Variants in CSMD1 observed in about 807,000 individuals in gnomAD.
The protein encoded by CSMD1 is CUB and Sushi multiple domains 1, also known as CUB and sushi domain-containing protein 1.
Under a neutral mutation model 417.5 loss-of-function variants are expected in CSMD1, and 213 were observed. The ratio of observed to expected loss-of-function variants is 0.51; its 90% CI spans 0.46 to 0.57. The LOEUF (loss-of-function observed/expected upper bound fraction) is 0.57, where lower values mean the gene tolerates loss of function less well. CSMD1 is among the 20% of genes least tolerant of loss of function. CSMD1 has a pLI of 0.00. For synonymous variants in CSMD1, 2,862 were observed against 1,736.8 expected, an observed-to-expected ratio of 1.65 and a Z score of -16.11; for missense variants, 6,923 against 4,529.7, an observed-to-expected ratio of 1.53 and a Z score of -15.17.
chr8:2,976,014 C>A (rs981707938), intron 55 of CSMD1, among the ~76,000 whole-genome samples: 1 of 152,110 alleles, frequency 6.6e-6, no homozygotes, highest in Non-Finnish European at 1.5e-5. Flanking sequence ...ATGAAAAATT[C>A]CCATGTGTGA....
intron 1 of CSMD1, among the ~76,000 whole-genome samples, chr8:4,939,044 C>T (rs185484791): frequency 1.3e-5 from 2 of 152,160 alleles, no homozygotes; most frequent in East Asian, 1.9e-4. Context: ...GTACATTAAC[C>T]CTGCATCAGA....
intron 12 of CSMD1, among the ~76,000 whole-genome samples, chr8:3,430,472 G>A (rs1814145066): frequency 6.6e-6 from 1 of 152,206 alleles, no homozygotes; most frequent in South Asian, 2.1e-4. Context: ...TCAAGTAGAT[G>A]ATGGTTATGA....
intron 11 of CSMD1, among the ~76,000 whole-genome samples, chr8:3,480,955 G>C (rs921702233): frequency 6.6e-6 from 1 of 151,860 alleles, no homozygotes; most frequent in Non-Finnish European, 1.5e-5. Context: ...AGGAGATCGA[G>C]ACTATCCTGG....
At chr8:4,340,371 G>A (rs1300988102) in intron 3 of CSMD1, among the ~76,000 whole-genome samples, 1 of 152,036 alleles carries the variant, frequency 6.6e-6, no homozygotes, top group Non-Finnish European at 1.5e-5. Context: ...AGTTAAAAAT[G>A]TAGAAAATAA....
chr8:4,455,656 T>C (rs909336155), intron 2 of CSMD1, among the ~76,000 whole-genome samples: 5 of 151,922 alleles, frequency 3.3e-5, no homozygotes, highest in African/African-American at 4.8e-5. Flanking sequence ...TGAGGCCAGA[T>C]ACAGTGGCTC....
At chr8:4,813,066 C>T (rs910031999) in intron 1 of CSMD1, among the ~76,000 whole-genome samples, 2 of 152,158 alleles carry the variant, frequency 1.3e-5, no homozygotes, top group Admixed American at 6.5e-5. Flanking sequence ...ATCCCTCTGG[C>T]AGAGGTAGAT....
intron 3 of CSMD1, among the ~76,000 whole-genome samples, chr8:4,231,241 C>T (rs6558857): frequency 8.6e-4 from 131 of 152,252 alleles, no homozygotes; most frequent in African/African-American, 2.9e-3. Flanking sequence ...AGGTTACTGC[C>T]GCCATCATGG....
chr8:4,205,507 T>A (rs533936281), intron 3 of CSMD1, among the ~76,000 whole-genome samples: 1 of 152,198 alleles, frequency 6.6e-6, no homozygotes, highest in Non-Finnish European at 1.5e-5. Context: ...GAGGTAACTA[T>A]CTTTATTTCA....
intron 18 of CSMD1, among the ~76,000 whole-genome samples, chr8:3,372,433 G>C (rs766052351): frequency 6.6e-6 from 1 of 152,154 alleles, no homozygotes; most frequent in African/African-American, 2.4e-5. Flanking sequence ...CCCTGCTCCT[G>C]AGGCTGTGCT....
At chr8:2,959,891 T>C (rs10217022) in intron 62 of CSMD1, among the ~76,000 whole-genome samples, 8,528 of 152,288 alleles carry the variant, frequency 0.056, 566 homozygotes, top group African/African-American at 0.16. Flanking sequence ...GTCTGGGCTC[T>C]TTAAATTATT....
At chr8:3,386,748 G>C (rs1206836824) in intron 18 of CSMD1, among the ~76,000 whole-genome samples, 2 of 152,088 alleles carry the variant, frequency 1.3e-5, no homozygotes, top group Non-Finnish European at 2.9e-5. Flanking sequence ...ACGTTTTTCT[G>C]CAGAAACAAT....
intron 3 of CSMD1, among the ~76,000 whole-genome samples, chr8:4,187,403 T>A (rs1168924164): frequency 1.3e-5 from 2 of 152,054 alleles, no homozygotes; most frequent in African/African-American, 4.8e-5. Context: ...TCCCAGCACT[T>A]TGGGAGGCCA....
At chr8:3,556,389 A>AT (rs1446015509) in intron 10 of CSMD1, among the ~76,000 whole-genome samples, 36,268 of 116,556 alleles carry the variant, frequency 0.31, 6,860 homozygotes, top group Non-Finnish European at 0.39. Context: ...ATTTATAATA[A>AT]TTAATATATA....
rs549293223 is a variant in CSMD1, at chr8:4,220,271, T to G, written c.416-188172A>C. ...CAGTCTCAAGATAACTTAGAGATAC[T>G]TGTCAGTGAGGCCTTCCTGACAAGG... On this transcript the variant is annotated intron_variant, in intron 3 of 69. Transcript: ENST00000635120. 2.0e-5 allele frequency among the ~76,000 whole-genome samples: 3 copies of G among 152,308 alleles called. No individual in the cohort carries two copies. In the East Asian group the frequency reaches 5.8e-4, roughly 29 times the overall value.
chr8:2,981,299 C>T (rs1048149424), intron 54 of CSMD1, among the ~76,000 whole-genome samples: 1 of 152,176 alleles, frequency 6.6e-6, no homozygotes, highest in Non-Finnish European at 1.5e-5. Flanking sequence ...GTGAACAATT[C>T]CTATCCAGGG....
At chr8:4,918,178 C>T (rs1806197265) in intron 1 of CSMD1, among the ~76,000 whole-genome samples, 1 of 152,168 alleles carries the variant, frequency 6.6e-6, no homozygotes, top group South Asian at 2.1e-4. Flanking sequence ...GTTGGTGACT[C>T]CTGAGTTGAA....
intron 41 of CSMD1, among the ~76,000 whole-genome samples, chr8:3,129,721 G>A (rs566657370): frequency 3.6e-4 from 54 of 151,994 alleles, no homozygotes; most frequent in African/African-American, 1.3e-3. Context: ...GGGCGGGGTG[G>A]CTCATGTTTG....
chr8:3,490,649 G>C (rs1226436381), intron 11 of CSMD1, among the ~76,000 whole-genome samples: 1 of 152,092 alleles, frequency 6.6e-6, no homozygotes, highest in Non-Finnish European at 1.5e-5. Flanking sequence ...CAGGCAGAGA[G>C]AAGGAAAATG....
intron 7 of CSMD1, among the ~76,000 whole-genome samples, chr8:3,634,181 G>A (rs965387861): frequency 4.6e-5 from 7 of 152,136 alleles, no homozygotes; most frequent in Non-Finnish European, 1.0e-4. Context: ...GAGTGTCTTC[G>A]TTTACCTGGG....
Sources: gnomAD v4.1 joint callset for allele counts (sites outside exome capture counted in the v4.1 genomes callset) on GRCh38, gnomAD v4.1.1 for gene constraint, MANE v1.5 for transcripts, NCBI Gene and HGNC (gene_info 2026-07-23, HGNC 2026-07-21) for gene names.